AKAP9: variants seen among roughly 807,000 people sequenced by gnomAD.
AKAP9 encodes A-kinase anchor protein 9.
Under a neutral mutation model 488.5 loss-of-function variants are expected in AKAP9, and 311 were observed. That is an observed-to-expected ratio of 0.64 (90% confidence interval 0.58 to 0.70). AKAP9 has a LOEUF of 0.70. Among genes scored for constraint, AKAP9 ranks in the 30% least tolerant of loss-of-function variants. AKAP9 has a pLI of 0.00. For synonymous variants in AKAP9, 1,462 were observed against 1,483.5 expected, an observed-to-expected ratio of 0.99 and a Z score of 0.33; for missense variants, 4,215 against 4,374.5, an observed-to-expected ratio of 0.96 and a Z score of 1.03.
At chr7:92,007,041 G>C (rs1438602477) in intron 8 of AKAP9, among the ~76,000 whole-genome samples, 1 of 151,934 alleles carries the variant, frequency 6.6e-6, no homozygotes. Context: ...ATGAATTCAT[G>C]AATAAAAGGG....
intron 3 of AKAP9, among the ~76,000 whole-genome samples, chr7:91,985,284 T>TGC (rs1796926676): frequency 6.6e-6 from 1 of 152,198 alleles, no homozygotes. Flanking sequence ...TTGAGATACC[T>TGC]CCCATCAATA....
intron 26 of AKAP9, 142 bp downstream of exon 26, chr7:92,066,688 A>C: frequency 2.8e-6 from 3 of 1,070,776 alleles, no homozygotes; most frequent in South Asian, 2.9e-5. Flanking sequence ...TTACTTAAGC[A>C]TGAGAAGGTA....
chr7:91,993,555 G>C (rs1163051438), intron 5 of AKAP9, among the ~76,000 whole-genome samples: 2 of 152,172 alleles, frequency 1.3e-5, no homozygotes, highest in Non-Finnish European at 2.9e-5. Context: ...GAGCCCACGA[G>C]TTCAAGTCCA....
At chr7:92,070,439 GTTT>G (rs1811524245) in intron 27 of AKAP9, among the ~76,000 whole-genome samples, 1 of 111,168 alleles carries the variant, frequency 9.0e-6, no homozygotes, top group Non-Finnish European at 1.9e-5. Context: ...GTTTTGTTTT[GTTT>G]TGTTTTTTGG....
At chr7:91,949,893 G>T (rs1412141675) in intron 1 of AKAP9, among the ~76,000 whole-genome samples, 2 of 152,008 alleles carry the variant, frequency 1.3e-5, no homozygotes, top group Non-Finnish European at 2.9e-5. Flanking sequence ...TTCTTATTGT[G>T]GTTTACTGTT....
chr7:92,005,131 C>T lies in AKAP9; in HGVS notation c.3318+1896C>T, dbSNP rs140915786. Among the ~76,000 whole-genome samples the T allele has an allele frequency of 2.9e-3, 436 of 152,256 alleles. 2 individuals carry two copies. Among genetic ancestry groups the T allele is most frequent in the Middle Eastern group, 6.8e-3 (2 of 292 alleles). Reference sequence around the variant, plus strand: ...ATGCTGGATTACACTTACTGATTTGCGTATGTTGAACCAGCCTTGCATCCC... The same window carrying T: ...ATGCTGGATTACACTTACTGATTTGTGTATGTTGAACCAGCCTTGCATCCC... On this transcript the variant is annotated intron_variant, in intron 8 of 49. Coordinates refer to ENST00000356239, the MANE Select transcript of AKAP9 (RefSeq NM_005751.5).
rs774674953 is a variant in AKAP9 at position 92,014,288 on chromosome 7, T to C, written c.3572T>C (p.Leu1191Pro). 1 of 1,613,524 alleles carries C rather than the reference T, an allele frequency of 6.2e-7. No homozygotes were observed. The highest frequency in any genetic ancestry group is 8.5e-7 in the Non-Finnish European group (1 of 1,179,562). ...GKPLHLLIGK[L>P]QKAVSEECSY... ...CCTTTACATCTGCTCATTGGAAAAC[T>C]TCAAAAGGCAGTGTCTGAAGAATGT... The change falls in exon 10 of 50, where the codon CTT (leucine) becomes CCT (proline). Residue 1191 changes from leucine to proline, a missense_variant. Leu to Pro is a moderately conservative substitution (Grantham distance 98). Coordinates refer to ENST00000356239, the MANE Select transcript of AKAP9 (RefSeq NM_005751.5).
intron 12 of AKAP9, among the ~76,000 whole-genome samples, chr7:92,020,775 G>C (rs953778166): frequency 1.3e-5 from 2 of 152,290 alleles, no homozygotes; most frequent in East Asian, 3.9e-4. Context: ...TAATTTACCT[G>C]ATGATCTTTA....
intron 1 of AKAP9, among the ~76,000 whole-genome samples, chr7:91,966,648 A>G (rs937250737): frequency 6.6e-6 from 1 of 152,182 alleles, no homozygotes; most frequent in East Asian, 1.9e-4. Context: ...GTTGACTGTA[A>G]GTGTGTGAAT....
At chr7:91,971,559 T>C (rs1184697934) in intron 1 of AKAP9, among the ~76,000 whole-genome samples, 1 of 138,462 alleles carries the variant, frequency 7.2e-6, no homozygotes, top group African/African-American at 2.7e-5. Context: ...TACATCTATT[T>C]CTTTTTTTTT....
At chr7:92,023,450 C>G (rs567408177) in intron 14 of AKAP9, among the ~76,000 whole-genome samples, 1 of 152,170 alleles carries the variant, frequency 6.6e-6, no homozygotes, top group Non-Finnish European at 1.5e-5. Context: ...TGGCTCTTCT[C>G]AAAATTTGCT....
chr7:92,060,343 A>G (rs1395130817), intron 22 of AKAP9, among the ~76,000 whole-genome samples: 1 of 152,126 alleles, frequency 6.6e-6, no homozygotes, highest in Non-Finnish European at 1.5e-5. Flanking sequence ...GCCTGTTATT[A>G]ATATATGTGA....
chr7:92,064,485 T>C (rs1226125942), intron 24 of AKAP9, among the ~76,000 whole-genome samples: 1 of 152,126 alleles, frequency 6.6e-6, no homozygotes, highest in Non-Finnish European at 1.5e-5. Context: ...CCAAAATAAC[T>C]CTAAGAGATC....
intron 14 of AKAP9, among the ~76,000 whole-genome samples, chr7:92,025,477 A>G (rs1163432971): frequency 6.6e-6 from 1 of 152,258 alleles, no homozygotes; most frequent in African/African-American, 2.4e-5. Context: ...TGTAAATAGC[A>G]TCACATATTT....
At chr7:92,051,558 G>A (rs1807982854) in intron 21 of AKAP9, among the ~76,000 whole-genome samples, 1 of 152,202 alleles carries the variant, frequency 6.6e-6, no homozygotes, top group Non-Finnish European at 1.5e-5. Context: ...TACAGCCAGT[G>A]ACTTACAAAG....
intron 1 of AKAP9, among the ~76,000 whole-genome samples, chr7:91,947,994 ACT>A (rs1791680049): frequency 6.6e-6 from 1 of 151,920 alleles, no homozygotes; most frequent in East Asian, 1.9e-4. Context: ...TCACCAACGC[ACT>A]CTCTGGATTT....
intron 22 of AKAP9, among the ~76,000 whole-genome samples, chr7:92,053,610 A>T (rs1808332464): frequency 6.6e-6 from 1 of 152,178 alleles, no homozygotes; most frequent in African/African-American, 2.4e-5. Context: ...TAGGAGTCTG[A>T]CCATGGCATT....
chr7:92,082,634 A>G lies in AKAP9; in HGVS notation c.8132A>G (p.Lys2711Arg). 1.9e-6 allele frequency: 3 copies of G among 1,614,034 alleles called. No individual in the cohort carries two copies. The highest frequency in any genetic ancestry group is 1.7e-6 in the Non-Finnish European group (2 of 1,179,932). Residue 2711 changes from lysine (K) to arginine (R), a missense_variant, in exon 32 of 50, where the codon AAG becomes AGG. Physicochemically the swap from Lys to Arg is conservative, Grantham distance 26. Transcript: ENST00000356239. ...TKAELASYKEKAEKLQEELLV... is the reference protein window; with the variant it reads ...TKAELASYKERAEKLQEELLV... Reference sequence around the variant, plus strand: ...GCAGAACTTGCCAGTTATAAAGAAAAGGCTGAAAAACTTCAAGAAGAGCTT... The same window carrying G: ...GCAGAACTTGCCAGTTATAAAGAAAGGGCTGAAAAACTTCAAGAAGAGCTT...
At chr7:92,032,496 CA>C (rs56966156) in intron 16 of AKAP9, among the ~76,000 whole-genome samples, 16,300 of 80,452 alleles carry the variant, frequency 0.2, 1,111 homozygotes, top group East Asian at 0.35. Context: ...AACTCCGTCT[CA>C]AAAAAAAAAA....
Sources: allele counts gnomAD v4.1 joint callset (sites outside exome capture counted in the v4.1 genomes callset), GRCh38; gene constraint gnomAD v4.1.1; transcripts MANE v1.5; gene names NCBI Gene and HGNC (gene_info 2026-07-23, HGNC 2026-07-21).